CAMSAP2: variants seen among roughly 807,000 people sequenced by gnomAD.
CAMSAP2 encodes the protein calmodulin-regulated spectrin-associated protein 2.
Under a neutral mutation model 146.1 loss-of-function variants are expected in CAMSAP2, and 26 were observed. The ratio of observed to expected loss-of-function variants is 0.18; its 90% CI spans 0.13 to 0.25. CAMSAP2 has a LOEUF of 0.25. Among genes scored for constraint, CAMSAP2 ranks in the 10% least tolerant of loss-of-function variants. The pLI is 1.00. For missense variants in CAMSAP2, 1,381 were observed against 1,759.3 expected, an observed-to-expected ratio of 0.78 and a Z score of 3.85; for synonymous variants, 499 against 596.6, an observed-to-expected ratio of 0.84 and a Z score of 2.38.
intron 2 of CAMSAP2, among the ~76,000 whole-genome samples, chr1:200,795,094 T>C (rs1665850305): frequency 6.6e-6 from 1 of 152,194 alleles, no homozygotes; most frequent in Non-Finnish European, 1.5e-5. Context: ...AAATGGTCTT[T>C]GCTAACCTAT....
chr1:200,852,466 T>C (rs1485909269), intron 11 of CAMSAP2, 75 bp from the exon 12 acceptor site: 29 of 1,521,896 alleles, frequency 1.9e-5, no homozygotes, highest in Non-Finnish European at 2.4e-5. Context: ...AACCACAAAA[T>C]GTGACTACAA....
intron 7 of CAMSAP2, among the ~76,000 whole-genome samples, chr1:200,842,569 G>A (rs182179791): frequency 6.6e-6 from 1 of 152,150 alleles, no homozygotes; most frequent in East Asian, 1.9e-4. Flanking sequence ...AAATAAGGGG[G>A]TTACTGTAAA....
chr1:200,815,327 C>A (rs79372475), intron 3 of CAMSAP2, among the ~76,000 whole-genome samples: 1 of 152,122 alleles, frequency 6.6e-6, no homozygotes, highest in Admixed American at 6.5e-5. Context: ...TCCTGACATA[C>A]AGTGTCTGCT....
rs1370156995 is a variant in CAMSAP2 at position 200,844,737 on chromosome 1, G to T, written c.1022-45G>T. The T allele has an allele frequency of 7.8e-6, 9 of 1,158,292 alleles. No individual in the cohort carries two copies. The East Asian group carries it at 1.8e-4, about 23-fold the overall frequency. 71.8% of individuals were successfully genotyped at this position (1,158,292 alleles called of 1,614,324 possible). A position where few individuals can be genotyped will look rare whatever the true frequency, so the allele number is the denominator to read the frequency against. ...TGCTTATGGTCCAGAATTTTTCATA[G>T]AAATATGCTAATTTGAGGGTGTTTT... On this transcript the variant is annotated intron_variant, in intron 7 of 16. Transcript: ENST00000358823.
At chr1:200,816,706 GTATA>G (rs1220523583) in intron 4 of CAMSAP2, among the ~76,000 whole-genome samples, 2 of 121,296 alleles carry the variant, frequency 1.6e-5, no homozygotes, top group East Asian at 2.5e-4. Context: ...ACATATATGT[GTATA>G]TATACACACG....
At chr1:200,760,739 G>T in intron 1 of CAMSAP2, 100 bp from the exon 2 acceptor site, 1 of 853,656 alleles carries the variant, frequency 1.2e-6, no homozygotes, top group Non-Finnish European at 1.7e-6. Context: ...ATTTTTAGAG[G>T]GAATCTTAAA....
intron 2 of CAMSAP2, among the ~76,000 whole-genome samples, chr1:200,789,879 A>C (rs1031728682): frequency 6.6e-6 from 1 of 152,152 alleles, no homozygotes; most frequent in Admixed American, 6.5e-5. Flanking sequence ...TTTTAGATTT[A>C]TACTTAGTAT....
chr1:200,811,697 T>C (rs912083055), intron 3 of CAMSAP2, among the ~76,000 whole-genome samples: 5 of 152,228 alleles, frequency 3.3e-5, no homozygotes, highest in Admixed American at 1.3e-4. Flanking sequence ...ACCAGAATTC[T>C]ACAAGTATCT....
chr1:200,857,110 G>A lies in CAMSAP2; in HGVS notation c.4013-196G>A, dbSNP rs1667768786. Among the ~76,000 whole-genome samples, 1 of 152,150 alleles carries A rather than the reference G, an allele frequency of 6.6e-6. No individual in the cohort carries two copies. The highest frequency in any genetic ancestry group is 6.5e-5 in the Admixed American group (1 of 15,270). ...TCACAGGGTACTCCAAAAGGCCATA[G>A]GAACATCCTCCATATCTCTGGGTGG... On this transcript the variant is annotated intron_variant, in intron 15 of 16. Coordinates refer to ENST00000358823, the MANE Select transcript of CAMSAP2 (RefSeq NM_203459.4). This position sits in a 1 kb window ranked among gnomAD's most constrained non-coding sequence, Gnocchi z 4.7.
chr1:200,830,418 G>T (rs996049116), intron 4 of CAMSAP2, among the ~76,000 whole-genome samples: 2 of 152,172 alleles, frequency 1.3e-5, no homozygotes, highest in African/African-American at 2.4e-5. Context: ...ATTCTTTGTT[G>T]CATGACCCTG....
In CAMSAP2 at chr1:200,739,777, C is replaced by G. The variant is rs1222256128; in HGVS notation, c.-51C>G. 1 of 1,585,996 alleles carries G rather than the reference C, an allele frequency of 6.3e-7. No homozygotes were observed. The highest frequency in any genetic ancestry group is 1.1e-5 in the South Asian group (1 of 87,732). ...CTCCCGACCCCCGTGGTGGCGAGGC[C>G]ACGCCATGTGAAGGTTAGGGCCGGG... On this transcript the variant is annotated 5_prime_UTR_variant, in exon 1 of 17. Transcript: ENST00000358823. This position sits in a 1 kb window ranked among gnomAD's most constrained non-coding sequence, Gnocchi z 4.8.
intron 1 of CAMSAP2, among the ~76,000 whole-genome samples, chr1:200,758,131 C>A (rs1359770393): frequency 3.3e-5 from 5 of 152,106 alleles, no homozygotes; most frequent in African/African-American, 9.7e-5. Context: ...CTGTGTCTGA[C>A]AAGATGTTAT....
chr1:200,853,024 C>T lies in CAMSAP2; in HGVS notation c.3603-251C>T, dbSNP rs970645400. Among the ~76,000 whole-genome samples the T allele has an allele frequency of 2.0e-5, 3 of 151,672 alleles. No homozygotes were observed. The highest frequency in any genetic ancestry group is 7.3e-5 in the African/African-American group (3 of 41,260). On this transcript the variant is annotated intron_variant, in intron 12 of 16. Coordinates refer to ENST00000358823, the MANE Select transcript of CAMSAP2 (RefSeq NM_203459.4). The surrounding 1 kb of genome is among the most constrained non-coding windows in gnomAD (Gnocchi z 5.1). The stretch of plus-strand genomic sequence containing the variant: ...ATACACACACACACACACACACACA[C>T]ACACACGACCTAAATTATCTCAAAT...
In CAMSAP2 at chr1:200,850,136, C is replaced by T. The variant is rs1223504842; in HGVS notation, c.3367C>T (p.Pro1123Ser). The change falls in exon 11 of 17, where the codon CCT becomes TCT. Residue 1123 changes from proline (P) to serine (S), a missense_variant. Around this residue, in one of 4 missense-constraint regions of CAMSAP2, gnomAD observed 560 missense variants for 715.9 expected, o/e 0.78. Transcript: ENST00000358823. The stretch of plus-strand genomic sequence containing the variant: ...AGTTTCCCTCTCAGATTTGAAACCC[C>T]CTGAAAAGGCTGATGTACCTGTTGA... ...IEVSLSDLKP[P>S]EKADVPVEKY... 2 of 1,613,680 alleles carry T rather than the reference C, an allele frequency of 1.2e-6. No individual in the cohort carries two copies. The highest frequency in any genetic ancestry group is 1.7e-6 in the Non-Finnish European group (2 of 1,179,882).
chr1:200,761,021 G>A lies in CAMSAP2; in HGVS notation c.322G>A (p.Ala108Thr), dbSNP rs1225706901. 1 of 1,614,002 alleles carries A rather than the reference G, an allele frequency of 6.2e-7. No homozygotes were observed. The highest frequency in any genetic ancestry group is 1.1e-5 in the South Asian group (1 of 91,096). The change falls in exon 2 of 17, where the codon GCA (alanine) becomes ACA (threonine). Residue 108 changes from alanine to threonine, a missense_variant. Physicochemically the swap from Ala to Thr is moderately conservative, Grantham distance 58. Transcript: ENST00000358823. ...CCATGATGCTGTAATCCAGGCTTTA[G>A]CACAGAAAGGTCTTTATGTCACTGA... is the stretch of plus-strand genomic sequence containing the variant. ...LGHDAVIQAL[A>T]QKGLYVTDQE...
At chr1:200,830,601 T>C (rs1319346027) in intron 4 of CAMSAP2, among the ~76,000 whole-genome samples, 1 of 152,236 alleles carries the variant, frequency 6.6e-6, no homozygotes, top group Non-Finnish European at 1.5e-5. Context: ...GCCTAGAAGA[T>C]ACCGCTGTAC....
intron 6 of CAMSAP2, among the ~76,000 whole-genome samples, chr1:200,833,975 A>G (rs1387797936): frequency 6.6e-6 from 1 of 152,206 alleles, no homozygotes; most frequent in East Asian, 1.9e-4. Flanking sequence ...GTATGCTGTC[A>G]GATTGTGTTA....
At chr1:200,841,889 C>A in intron 6 of CAMSAP2, 105 bp from the exon 7 acceptor site, 3 of 779,998 alleles carry the variant, frequency 3.8e-6, no homozygotes, top group South Asian at 3.1e-5. Flanking sequence ...TGAATATACT[C>A]CAGTGATGAA....
intron 2 of CAMSAP2, among the ~76,000 whole-genome samples, chr1:200,761,595 C>T (rs1384212475): frequency 1.3e-5 from 2 of 152,104 alleles, no homozygotes; most frequent in Non-Finnish European, 2.9e-5. Context: ...ATTAGCCGGG[C>T]ATGGTGGTGC....
Sources: allele counts gnomAD v4.1 joint callset (sites outside exome capture counted in the v4.1 genomes callset), GRCh38; gene constraint gnomAD v4.1.1; regional missense constraint gnomAD v4.1.1; non-coding constraint Gnocchi (gnomAD v3.1); transcripts MANE v1.5; gene names NCBI Gene and HGNC (gene_info 2026-07-23, HGNC 2026-07-21).